Variants in LDLRAD4 observed in about 807,000 individuals in gnomAD.
LDLRAD4 encodes the protein low-density lipoprotein receptor class A domain-containing protein 4.
A neutral mutation model predicts 17.0 loss-of-function variants in LDLRAD4; 5 were observed. The ratio of observed to expected loss-of-function variants is 0.29; its 90% CI spans 0.15 to 0.62. The LOEUF (loss-of-function observed/expected upper bound fraction) is 0.62. LDLRAD4 is among the 20% of genes least tolerant of loss of function. LDLRAD4 has a pLI of 0.84. For synonymous variants in LDLRAD4, 168 were observed against 171.8 expected (o/e 0.98, Z 0.17); for missense variants, 340 against 424.7 (o/e 0.80, Z 1.75).
At chr18:13,454,883 T>C (rs1265820379) in intron 3 of LDLRAD4, among the ~76,000 whole-genome samples, 1 of 152,246 alleles carries the variant, frequency 6.6e-6, no homozygotes, top group Non-Finnish European at 1.5e-5. Flanking sequence ...CCTGATGTGT[T>C]CATTCATCAG....
At chr18:13,234,888 T>C (rs2042258791) in intron 1 of LDLRAD4, 2 of 152,208 alleles carry the variant, frequency 1.3e-5, no homozygotes, top group Non-Finnish European at 2.9e-5. Context: ...TTTAACTTGC[T>C]GGCTAAATAC....
intron 3 of LDLRAD4, among the ~76,000 whole-genome samples, chr18:13,449,876 G>A (rs2091683577): frequency 6.6e-6 from 1 of 152,154 alleles, no homozygotes; most frequent in Admixed American, 6.5e-5. Context: ...CAGGTGGTGG[G>A]TTCAGGCCCA....
At chr18:13,230,197 C>T (rs2042003558) in intron 1 of LDLRAD4, among the ~76,000 whole-genome samples, 1 of 152,156 alleles carries the variant, frequency 6.6e-6, no homozygotes, top group Non-Finnish European at 1.5e-5. Flanking sequence ...GGGCCCTCAC[C>T]ACACACCAGA....
chr18:13,391,650 G>T (rs1435897747), intron 2 of LDLRAD4, among the ~76,000 whole-genome samples: 1 of 150,774 alleles, frequency 6.6e-6, no homozygotes, highest in East Asian at 1.9e-4. Flanking sequence ...TCTGCTCATT[G>T]TAAGCAAACT....
intron 1 of LDLRAD4, among the ~76,000 whole-genome samples, chr18:13,326,931 C>T (rs1413260941): frequency 6.6e-6 from 1 of 152,168 alleles, no homozygotes; most frequent in African/African-American, 2.4e-5. Flanking sequence ...AGACCAAGTG[C>T]TTACTGAAGT....
At chr18:13,446,078 T>C (rs2146293614) in intron 3 of LDLRAD4, among the ~76,000 whole-genome samples, 1 of 152,220 alleles carries the variant, frequency 6.6e-6, no homozygotes, top group East Asian at 1.9e-4. Context: ...TATTGGAGGG[T>C]CCACTGCTTC....
In LDLRAD4 at chr18:13,645,452, C is replaced by A; in HGVS notation, c.716C>A (p.Ala239Glu). The change falls in exon 6 of 6, where the codon GCA becomes GAA. Residue 239 changes from alanine to glutamate, a missense_variant. By Grantham distance (107) the Ala-to-Glu change is moderately radical. Transcript: ENST00000359446. This position sits in a 1 kb window ranked among gnomAD's most constrained non-coding sequence, Gnocchi z 5.7. ...CCCAGCAGCAACTCGGGCATCAGTGCAAGCACCTGCAGCAGTAACGGGAGG... is the reference window on the plus strand; with the variant it reads ...CCCAGCAGCAACTCGGGCATCAGTGAAAGCACCTGCAGCAGTAACGGGAGG... 6.2e-7 allele frequency: 1 copy of A among 1,613,468 alleles called. No homozygotes were observed. Among genetic ancestry groups the A allele is most frequent in the Non-Finnish European group, 8.5e-7 (1 of 1,179,596 alleles).
chr18:13,640,150 G>A (rs1223948026), intron 4 of LDLRAD4, among the ~76,000 whole-genome samples: 3 of 152,002 alleles, frequency 2.0e-5, no homozygotes, highest in African/African-American at 7.3e-5. Flanking sequence ...AAAATTAGCT[G>A]GGTGTGGTGG....
chr18:13,597,438 A>T (rs1205445551), intron 3 of LDLRAD4, among the ~76,000 whole-genome samples: 1 of 152,040 alleles, frequency 6.6e-6, no homozygotes, highest in Non-Finnish European at 1.5e-5. Flanking sequence ...CTGAGTGTAT[A>T]GATTAACTTT....
At chr18:13,229,738 G>A (rs1272596011) in intron 1 of LDLRAD4, among the ~76,000 whole-genome samples, 2 of 152,166 alleles carry the variant, frequency 1.3e-5, no homozygotes, top group East Asian at 3.9e-4. Flanking sequence ...CTTTCCTCCT[G>A]TGTGCATTTT....
intron 1 of LDLRAD4, among the ~76,000 whole-genome samples, chr18:13,226,690 C>G (rs2145429632): frequency 7.0e-6 from 1 of 143,198 alleles, no homozygotes; most frequent in East Asian, 2.0e-4. Flanking sequence ...GGGGTAAGAC[C>G]TTTGTGCTTT....
intron 5 of LDLRAD4, chr18:13,644,733 A>G (rs2042915647): frequency 1.6e-5 from 3 of 185,380 alleles, no homozygotes; most frequent in Non-Finnish European, 2.2e-5. Context: ...GGACTGGACG[A>G]TGTCACTGGT....
At chr18:13,491,684 G>A (rs1234551642) in intron 3 of LDLRAD4, 3 of 152,118 alleles carry the variant, frequency 2.0e-5, no homozygotes, top group Admixed American at 6.5e-5. Context: ...TTGTATATGA[G>A]CAGTCATAAA....
At chr18:13,355,589 C>T (rs960492466) in intron 1 of LDLRAD4, among the ~76,000 whole-genome samples, 2 of 152,200 alleles carry the variant, frequency 1.3e-5, no homozygotes, top group African/African-American at 4.8e-5. Flanking sequence ...TTCTGTTATG[C>T]TGAAATCGCT....
chr18:13,341,540 G>C (rs890928365), intron 1 of LDLRAD4, among the ~76,000 whole-genome samples: 1 of 152,032 alleles, frequency 6.6e-6, no homozygotes, highest in Non-Finnish European at 1.5e-5. Context: ...CATTGTTAGT[G>C]TATGATAATG....
At position 13,440,161 on chromosome 18, in the gene LDLRAD4, G is replaced by C. The variant is rs767877786; in HGVS notation, c.181+1777G>C. On this transcript the variant is annotated intron_variant, in intron 3 of 5. Coordinates refer to ENST00000359446, the Ensembl canonical transcript of LDLRAD4. The surrounding 1 kb of genome is among the most constrained non-coding windows in gnomAD (Gnocchi z 4.4). ...ACTGGGTTCAGAGTTCTGGAGCCCC[G>C]GCCTCTGCTCTGGGGCGCTCCACAG... Among the ~76,000 whole-genome samples the C allele has an allele frequency of 1.2e-4, 18 of 152,234 alleles. No individual in the cohort carries two copies. Among genetic ancestry groups the C allele is most frequent in the Non-Finnish European group, 8.8e-5 (6 of 68,014 alleles).
rs965618989 is a variant in LDLRAD4 at position 13,496,510 on chromosome 18, T to C, written c.181+58126T>C. ...AATCTTTCGTGTGGAAGTTGAGCCA[T>C]GTCCCCTGTGGAGAGGAAGAACGGA... is the stretch of plus-strand genomic sequence containing the variant. On this transcript the variant is annotated intron_variant, in intron 3 of 5. Coordinates refer to ENST00000359446, the Ensembl canonical transcript of LDLRAD4. 2.6e-5 allele frequency among the ~76,000 whole-genome samples: 4 copies of C among 152,250 alleles called. No homozygotes were observed. In the South Asian group the frequency reaches 6.2e-4, roughly 24 times the overall value.
At chr18:13,417,373 G>C (rs545677504) in intron 2 of LDLRAD4, among the ~76,000 whole-genome samples, 3 of 152,014 alleles carry the variant, frequency 2.0e-5, no homozygotes, top group Non-Finnish European at 2.9e-5. Flanking sequence ...ACTTTGGTGC[G>C]GTGGTCTAAA....
chr18:13,530,464 G>A (rs898246735), intron 3 of LDLRAD4, among the ~76,000 whole-genome samples: 11 of 152,226 alleles, frequency 7.2e-5, no homozygotes, highest in South Asian at 2.1e-4. Flanking sequence ...GCAGTGCTGC[G>A]TGTTCTTGGG....
Sources: gnomAD v4.1 joint callset for allele counts (sites outside exome capture counted in the v4.1 genomes callset) on GRCh38, gnomAD v4.1.1 for gene constraint, Gnocchi (gnomAD v3.1) non-coding constraint, MANE v1.5 for transcripts, NCBI Gene and HGNC (gene_info 2026-07-23, HGNC 2026-07-21) for gene names.